The following RNF217 variants were observed in gnomAD, a reference collection of about 807,000 sequenced individuals.
The protein encoded by RNF217 is E3 ubiquitin-protein ligase RNF217.
Under a neutral mutation model 57.8 loss-of-function variants are expected in RNF217, and 31 were observed. The ratio of observed to expected loss-of-function variants is 0.54; its 90% CI spans 0.40 to 0.72. The LOEUF is 0.72. Ranked by LOEUF, RNF217 falls within the 30% of genes least tolerant of loss-of-function variation. RNF217 has a pLI of 0.00. For synonymous variants in RNF217, 313 were observed against 294.0 expected, an observed-to-expected ratio of 1.06 and a Z score of -0.66; for missense variants, 696 against 708.3, an observed-to-expected ratio of 0.98 and a Z score of 0.20.
chr6:125,077,171 A>G (rs1025110473), intron 4 of RNF217, among the ~76,000 whole-genome samples: 3 of 152,016 alleles, frequency 2.0e-5, no homozygotes, highest in African/African-American at 7.2e-5. Context: ...TGTCATGTAT[A>G]TTTTTGTAAT....
intron 3 of RNF217, among the ~76,000 whole-genome samples, chr6:125,064,041 G>A (rs1319429904): frequency 6.6e-6 from 1 of 152,158 alleles, no homozygotes; most frequent in Non-Finnish European, 1.5e-5. Flanking sequence ...CTGTGGCTAT[G>A]TAACTTGCAG....
At chr6:125,042,992 T>G (rs1386528291) in intron 1 of RNF217, among the ~76,000 whole-genome samples, 1 of 152,014 alleles carries the variant, frequency 6.6e-6, no homozygotes, top group Non-Finnish European at 1.5e-5. Context: ...TGAAAGAAAC[T>G]ATCTCTCACA....
chr6:125,001,201 T>C (rs10485345), intron 1 of RNF217, among the ~76,000 whole-genome samples: 11,906 of 152,226 alleles, frequency 0.078, 1,608 homozygotes, highest in African/African-American at 0.27. Flanking sequence ...GTTAGTTATA[T>C]TAGGGAATGC....
chr6:124,968,254 T>C (rs1783624661), intron 1 of RNF217, among the ~76,000 whole-genome samples: 1 of 152,090 alleles, frequency 6.6e-6, no homozygotes, highest in African/African-American at 2.4e-5. Flanking sequence ...GAGACTGAAA[T>C]CTGTTTTGAG....
chr6:124,975,751 G>T (rs1189212576), intron 1 of RNF217, among the ~76,000 whole-genome samples: 1 of 151,700 alleles, frequency 6.6e-6, no homozygotes, highest in Non-Finnish European at 1.5e-5. Flanking sequence ...TTTTTCATAT[G>T]AATATATAAC....
At chr6:125,044,066 T>C (rs904036058) in intron 1 of RNF217, among the ~76,000 whole-genome samples, 9 of 152,170 alleles carry the variant, frequency 5.9e-5, no homozygotes, top group Non-Finnish European at 1.2e-4. Context: ...TAGTTTTTTT[T>C]TTTAATTGCT....
chr6:125,003,573 A>T (rs1785063301), intron 1 of RNF217, among the ~76,000 whole-genome samples: 1 of 152,226 alleles, frequency 6.6e-6, no homozygotes, highest in Non-Finnish European at 1.5e-5. Flanking sequence ...TTTATATTTT[A>T]AAATTGCTGA....
chr6:125,011,860 G>A (rs1345867542), intron 1 of RNF217, among the ~76,000 whole-genome samples: 1 of 151,936 alleles, frequency 6.6e-6, no homozygotes, highest in Non-Finnish European at 1.5e-5. Context: ...TCTTCTCGGT[G>A]AGATAATAAC....
intron 1 of RNF217, among the ~76,000 whole-genome samples, chr6:125,012,390 A>G (rs909098820): frequency 6.6e-6 from 1 of 152,156 alleles, no homozygotes; most frequent in Non-Finnish European, 1.5e-5. Context: ...GTACTCCGTC[A>G]TGTCTACAGT....
chr6:125,032,701 T>C (rs1786413279), intron 1 of RNF217, among the ~76,000 whole-genome samples: 1 of 152,164 alleles, frequency 6.6e-6, no homozygotes, highest in African/African-American at 2.4e-5. Context: ...TTTATACTTT[T>C]TGGTTTATGA....
chr6:125,008,403 A>C (rs572840490), intron 1 of RNF217, among the ~76,000 whole-genome samples: 1 of 152,318 alleles, frequency 6.6e-6, no homozygotes, highest in Non-Finnish European at 1.5e-5. Context: ...CTTAGAAAGA[A>C]GTTAAGCATT....
intron 1 of RNF217, among the ~76,000 whole-genome samples, chr6:125,024,928 T>C (rs1196542697): frequency 6.6e-6 from 1 of 152,016 alleles, no homozygotes; most frequent in African/African-American, 2.4e-5. Flanking sequence ...GTTGAAACCA[T>C]GGGAGTGGAA....
At chr6:125,036,640 A>T (rs1281389506) in intron 1 of RNF217, among the ~76,000 whole-genome samples, 1 of 152,162 alleles carries the variant, frequency 6.6e-6, no homozygotes, top group East Asian at 1.9e-4. Flanking sequence ...AGGGGCTAAT[A>T]TCCAGAATCT....
intron 3 of RNF217, among the ~76,000 whole-genome samples, chr6:125,066,335 A>G (rs1427109577): frequency 6.6e-6 from 1 of 152,156 alleles, no homozygotes; most frequent in East Asian, 1.9e-4. Context: ...TAGTTCTATG[A>G]TGACCATAGA....
chr6:124,978,736 G>T (rs1254742637), intron 1 of RNF217, among the ~76,000 whole-genome samples: 1 of 152,152 alleles, frequency 6.6e-6, no homozygotes, highest in Admixed American at 6.5e-5. Context: ...GAGGGTTACA[G>T]CTCATTTGTT....
chr6:124,983,500 C>A (rs1784252063), intron 1 of RNF217: 1 of 983,780 alleles, frequency 1.0e-6, no homozygotes, highest in South Asian at 4.7e-5. Flanking sequence ...TGAAAAGGAC[C>A]TTACAGGTTA....
chr6:125,058,976 T>A lies in RNF217; in HGVS notation c.1281+870T>A, dbSNP rs1023363409. Among the ~76,000 whole-genome samples, 5 of 152,298 alleles carry A rather than the reference T, an allele frequency of 3.3e-5. No homozygotes were observed. In the South Asian group the frequency reaches 1.0e-3, roughly 32 times the overall value. ...ATTCTGCAATTACTTCTTGGAGACTTAGCACCAGATAAATGAAACTTGAAT... is the reference window on the plus strand; with the variant it reads ...ATTCTGCAATTACTTCTTGGAGACTAAGCACCAGATAAATGAAACTTGAAT... On this transcript the variant is annotated intron_variant, in intron 3 of 5. Coordinates refer to ENST00000521654, the MANE Select transcript of RNF217 (RefSeq NM_001286398.3).
chr6:124,971,512 G>C (rs1196774019), intron 1 of RNF217: 1 of 320,446 alleles, frequency 3.1e-6, no homozygotes, highest in Non-Finnish European at 6.2e-6. Flanking sequence ...CTGGAGTGCA[G>C]TGGCATGATC....
Position 125,084,472 on chromosome 6 carries a change from C to G in RNF217, c.*1535C>G, listed in dbSNP as rs914471286. ...TCTCCAAATTCTTAAAATTAGTCAT[C>G]TGTCTTAGATGTACATTTATTTGTC... On this transcript the variant is annotated 3_prime_UTR_variant, in exon 6 of 6. Coordinates refer to ENST00000521654, the MANE Select transcript of RNF217 (RefSeq NM_001286398.3). 1.1e-4 allele frequency: 16 copies of G among 151,954 alleles called. No individual in the cohort carries two copies. The highest frequency in any genetic ancestry group is 2.2e-4 in the Non-Finnish European group (15 of 67,912). 9.4% of individuals were successfully genotyped at this position (151,954 alleles called of 1,614,324 possible). A position where few individuals can be genotyped will look rare whatever the true frequency, so the allele number is the denominator to read the frequency against.
Sources: gnomAD v4.1 joint callset for allele counts (sites outside exome capture counted in the v4.1 genomes callset) on GRCh38, gnomAD v4.1.1 for gene constraint, MANE v1.5 for transcripts, NCBI Gene and HGNC (gene_info 2026-07-23, HGNC 2026-07-21) for gene names.